The following FBN1 variants were observed in gnomAD, a reference collection of about 807,000 sequenced individuals.
FBN1 encodes fibrillin 1.
In FBN1, 29 loss-of-function variants were observed where a neutral mutation model predicts 365.1. That is an observed-to-expected ratio of 0.08 (90% CI 0.06 to 0.11). The LOEUF (loss-of-function observed/expected upper bound fraction) is 0.11, where lower values mean the gene tolerates loss of function less well. Among genes scored for constraint, FBN1 ranks in the 10% least tolerant of loss-of-function variants. FBN1 has a pLI of 1.00. For synonymous variants in FBN1, 1,210 were observed against 1,270.5 expected (o/e 0.95, Z 1.01); for missense variants, 2,476 against 3,703.2 (o/e 0.67, Z 8.60).
At chr15:48,591,124 T>C (rs2044473345) in intron 6 of FBN1, among the ~76,000 whole-genome samples, 1 of 152,232 alleles carries the variant, frequency 6.6e-6, no homozygotes, top group Non-Finnish European at 1.5e-5. Context: ...ATTAAAACAT[T>C]AAACCAATTC....
At chr15:48,469,515 T>G (rs1187419397) in intron 36 of FBN1, among the ~76,000 whole-genome samples, 1 of 152,166 alleles carries the variant, frequency 6.6e-6, no homozygotes, top group African/African-American at 2.4e-5. Flanking sequence ...CAATTCCTTT[T>G]GTCTGTTTTG....
rs2043240763 is a variant in FBN1, at chr15:48,456,694, A to T, written c.5365T>A (p.Phe1789Ile). 6.2e-7 allele frequency: 1 copy of T among 1,613,928 alleles called. No homozygotes were observed. ...AATCCCACTGGACATTCACATCGGA[A>T]GCTGCCAACCATGTTGATACACACT... Reference protein sequence around the residue: ...NGVCINMVGSFRCECPVGFFY... With the variant: ...NGVCINMVGSIRCECPVGFFY... The change falls in exon 44 of 66, where the codon TTC (phenylalanine) becomes ATC (isoleucine). Residue 1789 changes from phenylalanine to isoleucine, a missense_variant. Around this residue, in one of 5 missense-constraint regions of FBN1, gnomAD observed 1,780 missense variants for 2,840.8 expected, o/e 0.63. Transcript: ENST00000316623.
At chr15:48,415,039 A>T (rs2042890930) in intron 64 of FBN1, among the ~76,000 whole-genome samples, 1 of 152,188 alleles carries the variant, frequency 6.6e-6, no homozygotes, top group Non-Finnish European at 1.5e-5. Flanking sequence ...TTTAATGTAA[A>T]TTCAAGTCTG....
rs558901398 is a variant in FBN1 at position 48,597,626 on chromosome 15, T to C, written c.443-1248A>G. On this transcript the variant is annotated intron_variant, in intron 5 of 65. Coordinates refer to ENST00000316623, the MANE Select transcript of FBN1 (RefSeq NM_000138.5). Reference sequence around the variant, plus strand: ...TTTCCCCAATAAATTCTCTTTTATGTCTAATTCTGTCTTGATATTTTCTTG... The same window carrying C: ...TTTCCCCAATAAATTCTCTTTTATGCCTAATTCTGTCTTGATATTTTCTTG... Among the ~76,000 whole-genome samples the C allele has an allele frequency of 4.6e-5, 7 of 152,334 alleles. No homozygotes were observed. In the South Asian group the frequency reaches 1.4e-3, roughly 32 times the overall value.
At chr15:48,484,989 G>A (rs561747702) in intron 30 of FBN1, among the ~76,000 whole-genome samples, 1 of 152,274 alleles carries the variant, frequency 6.6e-6, no homozygotes, top group South Asian at 2.1e-4. Context: ...ATCTGGAATG[G>A]GGCCTGAGAT....
intron 8 of FBN1, among the ~76,000 whole-genome samples, chr15:48,530,928 G>A (rs929867755): frequency 6.6e-6 from 1 of 152,092 alleles, no homozygotes; most frequent in African/African-American, 2.4e-5. Context: ...GGAATCCAAC[G>A]GACTTCTTCC....
At chr15:48,548,641 C>T (rs2044115714) in intron 6 of FBN1, among the ~76,000 whole-genome samples, 1 of 152,150 alleles carries the variant, frequency 6.6e-6, no homozygotes, top group Non-Finnish European at 1.5e-5. Flanking sequence ...AGATTTACAT[C>T]AGCTTGGCCA....
At chr15:48,516,151 GA>G (rs767322069) in intron 11 of FBN1, 31 bp downstream of exon 11, 1 of 1,585,318 alleles carries the variant, frequency 6.3e-7, no homozygotes, top group Non-Finnish European at 8.7e-7. Context: ...AACAATGCAA[GA>G]AAAATAACTA....
Position 48,568,098 on chromosome 15 carries a change from C to T in FBN1, c.538+28185G>A, listed in dbSNP as rs181688899. On this transcript the variant is annotated intron_variant, in intron 6 of 65. Coordinates refer to ENST00000316623, the MANE Select transcript of FBN1 (RefSeq NM_000138.5). ...AAAGAAAGAAAGACTATCTTTATTCCAAGACAATATAATCCTGTATAAGAA... is the reference window on the plus strand; with the variant it reads ...AAAGAAAGAAAGACTATCTTTATTCTAAGACAATATAATCCTGTATAAGAA... Among the ~76,000 whole-genome samples the T allele has an allele frequency of 4.1e-4, 41 of 99,288 alleles. No homozygotes were observed. In the East Asian group the frequency reaches 0.012, roughly 30 times the overall value. 65.1% of individuals were successfully genotyped at this position (99,288 alleles called of 152,430 possible).
Position 48,644,613 on chromosome 15 carries a change from G to T in FBN1, c.157C>A (p.Leu53Ile). The T allele has an allele frequency of 6.2e-7, 1 of 1,614,142 alleles. No homozygotes were observed. The highest frequency in any genetic ancestry group is 8.5e-7 in the Non-Finnish European group (1 of 1,180,018). ...KRRGGGGHDA[L>I]KGPNVCGSRY... is the part of the protein sequence containing the mutation. Reference sequence around the variant, plus strand: ...GGGAACCGGTTCCTTTACCCTTTAAGCGCGTCGTGTCCTCCACCGCCTCTT... The same window carrying T: ...GGGAACCGGTTCCTTTACCCTTTAATCGCGTCGTGTCCTCCACCGCCTCTT... Residue 53 changes from leucine to isoleucine, a missense_variant, in exon 2 of 66, where the codon CTT becomes ATT. Leu to Ile is a conservative substitution (Grantham distance 5). This residue lies in a region of FBN1 where 76 missense variants were observed against 85.4 expected (regional missense o/e 0.89). Coordinates refer to ENST00000316623, the MANE Select transcript of FBN1 (RefSeq NM_000138.5).
chr15:48,509,488 T>G (rs1206369803), intron 14 of FBN1, among the ~76,000 whole-genome samples: 4 of 147,780 alleles, frequency 2.7e-5, no homozygotes, highest in African/African-American at 9.8e-5. Flanking sequence ...TTATTTATAT[T>G]TTAGATATAT....
intron 6 of FBN1, among the ~76,000 whole-genome samples, chr15:48,572,712 A>T (rs2044315686): frequency 6.6e-6 from 1 of 152,176 alleles, no homozygotes; most frequent in South Asian, 2.1e-4. Context: ...ACTCTAGCAC[A>T]AATTCATGAT....
At chr15:48,455,236 C>T (rs957513493) in intron 44 of FBN1, among the ~76,000 whole-genome samples, 1 of 152,212 alleles carries the variant, frequency 6.6e-6, no homozygotes, top group Non-Finnish European at 1.5e-5. Context: ...TCAATATCCA[C>T]AGAATGCTAC....
Position 48,582,698 on chromosome 15 carries a change from A to G in FBN1, c.538+13585T>C, listed in dbSNP as rs1204064079. On this transcript the variant is annotated intron_variant, in intron 6 of 65. Transcript: ENST00000316623. ...ATTCAAAAGTATGCATTATCTCAAA[A>G]TGTTTGACGCCTAAACAAACCATTT... Among the ~76,000 whole-genome samples, 5 of 152,216 alleles carry G rather than the reference A, an allele frequency of 3.3e-5. No homozygotes were observed. The South Asian group carries it at 6.2e-4, about 19-fold the overall frequency.
intron 4 of FBN1, among the ~76,000 whole-genome samples, chr15:48,605,108 G>A (rs1261000581): frequency 6.6e-6 from 1 of 152,170 alleles, no homozygotes; most frequent in Non-Finnish European, 1.5e-5. Flanking sequence ...CAGGTTTGAT[G>A]CAATTCCTAT....
chr15:48,463,013 T>C (rs2043291182), intron 42 of FBN1, 69 bp downstream of exon 42: 2 of 1,487,236 alleles, frequency 1.3e-6, no homozygotes, highest in Non-Finnish European at 1.9e-6. Flanking sequence ...TCGCTAAGAC[T>C]GATTTCCCCA....
intron 6 of FBN1, among the ~76,000 whole-genome samples, chr15:48,595,651 T>A (rs954187453): frequency 2.0e-5 from 3 of 152,234 alleles, no homozygotes; most frequent in Non-Finnish European, 4.4e-5. Flanking sequence ...ATTAAAGGTT[T>A]CTTATGTATG....
intron 49 of FBN1, among the ~76,000 whole-genome samples, chr15:48,442,409 G>T (rs1481174951): frequency 1.3e-5 from 2 of 152,146 alleles, no homozygotes; most frequent in Non-Finnish European, 2.9e-5. Context: ...GCAAACTAAC[G>T]ATATCATAGA....
intron 63 of FBN1, 55 bp from the exon 64 acceptor site, chr15:48,415,822 G>A: frequency 6.8e-7 from 1 of 1,473,178 alleles, no homozygotes; most frequent in South Asian, 1.1e-5. Flanking sequence ...TTTCTATTGA[G>A]GACATTGGAT....
Sources: gnomAD v4.1 joint callset for allele counts (sites outside exome capture counted in the v4.1 genomes callset) on GRCh38, gnomAD v4.1.1 for gene constraint, gnomAD v4.1.1 regional missense constraint, MANE v1.5 for transcripts, NCBI Gene and HGNC (gene_info 2026-07-23, HGNC 2026-07-21) for gene names.